CBLB: variants seen among roughly 807,000 people sequenced by gnomAD.
CBLB encodes E3 ubiquitin-protein ligase CBL-B.
Under a neutral mutation model 104.9 loss-of-function variants are expected in CBLB, and 31 were observed. That is an observed-to-expected ratio of 0.30 (90% confidence interval 0.22 to 0.40). The LOEUF (loss-of-function observed/expected upper bound fraction) is 0.40, where lower values mean the gene tolerates loss of function less well. Among genes scored for constraint, CBLB ranks in the 10% least tolerant of loss-of-function variants. The pLI is 1.00. For missense variants in CBLB, 1,062 were observed against 1,214.6 expected (o/e 0.87, Z 1.87); for synonymous variants, 440 against 422.6 (o/e 1.04, Z -0.51).
intron 17 of CBLB, chr3:105,670,953 AT>A (rs2065003425): frequency 5.9e-6 from 1 of 168,718 alleles, no homozygotes; most frequent in Non-Finnish European, 1.3e-5. Context: ...AAAATAGTAA[AT>A]TTAATTGTTA....
intron 3 of CBLB, among the ~76,000 whole-genome samples, chr3:105,837,867 T>A (rs2088810147): frequency 1.3e-5 from 2 of 152,138 alleles, no homozygotes; most frequent in Admixed American, 1.3e-4. Flanking sequence ...TTCAGACACT[T>A]CAACACTTTC....
At chr3:105,837,296 TACCAAATGAA>T (rs749345319) in intron 3 of CBLB, among the ~76,000 whole-genome samples, 1 of 152,222 alleles carries the variant, frequency 6.6e-6, no homozygotes, top group Non-Finnish European at 1.5e-5. Flanking sequence ...CAATAATACA[TACCAAATGAA>T]ACTGGACTAT....
intron 17 of CBLB, among the ~76,000 whole-genome samples, chr3:105,674,162 A>G (rs570380917): frequency 1.3e-5 from 2 of 152,208 alleles, no homozygotes; most frequent in Non-Finnish European, 2.9e-5. Flanking sequence ...TAATGCTTCA[A>G]CATCTGAACA....
In CBLB at chr3:105,656,058, A is replaced by G. The variant is rs2063320413; in HGVS notation, c.*2912T>C. ...CTGAAGGTTGTATTTGTGGAAGGAA[A>G]TTCAAGTTAAGCAAAAACTGCTTTT... On this transcript the variant is annotated 3_prime_UTR_variant, in exon 19 of 19. Transcript: ENST00000394030. 4.4e-6 allele frequency: 1 copy of G among 225,374 alleles called. No individual in the cohort carries two copies. The highest frequency in any genetic ancestry group is 2.2e-5 in the African/African-American group (1 of 44,946). The allele number at this position is 225,374 out of a possible 1,614,324, so 14.0% of individuals were successfully genotyped here. A position where few individuals can be genotyped will look rare whatever the true frequency, so the allele number is the denominator to read the frequency against.
chr3:105,804,729 A>G (rs2153025346), intron 3 of CBLB, among the ~76,000 whole-genome samples: 1 of 151,856 alleles, frequency 6.6e-6, no homozygotes, highest in East Asian at 1.9e-4. Flanking sequence ...TTGTCCTTAA[A>G]GTTCACCAGC....
At chr3:105,825,014 T>G (rs926506318) in intron 3 of CBLB, among the ~76,000 whole-genome samples, 1 of 152,202 alleles carries the variant, frequency 6.6e-6, no homozygotes, top group Non-Finnish European at 1.5e-5. Flanking sequence ...CCTAGATTAT[T>G]CCTCTTTATA....
chr3:105,701,782 A>G (rs1038002871), intron 12 of CBLB, among the ~76,000 whole-genome samples: 2 of 150,268 alleles, frequency 1.3e-5, no homozygotes, highest in Admixed American at 6.6e-5. Flanking sequence ...AAAAAAATGC[A>G]GGCTGATTAT....
chr3:105,722,779 G>A (rs188610926), intron 9 of CBLB, among the ~76,000 whole-genome samples: 1 of 152,128 alleles, frequency 6.6e-6, no homozygotes, highest in Admixed American at 6.5e-5. Flanking sequence ...ATTGAGTTTT[G>A]AAGGGGGAGG....
rs189489766 is a variant in CBLB, at chr3:105,828,649, A to G, written c.419+24765T>C. On this transcript the variant is annotated intron_variant, in intron 3 of 18. Transcript: ENST00000394030. ...ATAGAAAAGAAATAAATATGCACTA[A>G]TAAGTTTAAATAATTTCACTCTTGA... 2.9e-3 allele frequency among the ~76,000 whole-genome samples: 445 copies of G among 152,346 alleles called. 5 individuals are homozygous for G. The highest frequency in any genetic ancestry group is 0.017 in the Middle Eastern group (5 of 294).
intron 13 of CBLB, among the ~76,000 whole-genome samples, chr3:105,689,324 ATATAT>A (rs927083914): frequency 6.6e-6 from 1 of 151,408 alleles, no homozygotes; most frequent in South Asian, 2.1e-4. Flanking sequence ...TTAGAAAAAT[ATATAT>A]TATAAGAATA....
intron 13 of CBLB, among the ~76,000 whole-genome samples, chr3:105,688,724 A>T (rs2067305405): frequency 6.6e-6 from 1 of 152,066 alleles, no homozygotes; most frequent in South Asian, 2.1e-4. Context: ...CTATATTTGA[A>T]ATGATTTTTG....
At chr3:105,774,752 T>C (rs1172110415) in intron 4 of CBLB, among the ~76,000 whole-genome samples, 2 of 152,104 alleles carry the variant, frequency 1.3e-5, no homozygotes, top group Non-Finnish European at 2.9e-5. Flanking sequence ...AACTCCTCTC[T>C]TAAAAAAAAC....
chr3:105,810,542 T>G (rs1186051747), intron 3 of CBLB, among the ~76,000 whole-genome samples: 2 of 152,156 alleles, frequency 1.3e-5, no homozygotes, highest in Non-Finnish European at 2.9e-5. Flanking sequence ...CTAAACTTCA[T>G]AAGACTTTAA....
chr3:105,867,629 G>C (rs1560603250), intron 1 of CBLB, 38 bp from the exon 2 acceptor site: 1 of 1,587,816 alleles, frequency 6.3e-7, no homozygotes. Context: ...AAGTTAGTTG[G>C]TTTTGAAAAT....
At chr3:105,735,738 G>A (rs2074853895) in intron 8 of CBLB, among the ~76,000 whole-genome samples, 1 of 152,144 alleles carries the variant, frequency 6.6e-6, no homozygotes, top group Non-Finnish European at 1.5e-5. Context: ...ATCACCTGAG[G>A]TCAGGAGTTT....
chr3:105,824,929 C>T (rs1577545739), intron 3 of CBLB, among the ~76,000 whole-genome samples: 1 of 152,282 alleles, frequency 6.6e-6, no homozygotes, highest in African/African-American at 2.4e-5. Flanking sequence ...GAGCCATATA[C>T]ACAATCCTAG....
chr3:105,765,765 T>C (rs961465820), intron 4 of CBLB, among the ~76,000 whole-genome samples: 49 of 152,196 alleles, frequency 3.2e-4, no homozygotes, highest in Non-Finnish European at 2.9e-5. Context: ...GTACTGCTCA[T>C]TGGCAATGCC....
intron 6 of CBLB, among the ~76,000 whole-genome samples, chr3:105,745,652 C>T (rs903161725): frequency 6.6e-6 from 1 of 152,258 alleles, no homozygotes; most frequent in Non-Finnish European, 1.5e-5. Flanking sequence ...CAAATATATA[C>T]ATTCAATTTT....
intron 6 of CBLB, among the ~76,000 whole-genome samples, chr3:105,743,838 A>C (rs1474339293): frequency 6.6e-6 from 1 of 151,660 alleles, no homozygotes; most frequent in African/African-American, 2.4e-5. Flanking sequence ...TTTAGTACCC[A>C]TGTCATACTT....
Sources: gnomAD v4.1 joint callset for allele counts (sites outside exome capture counted in the v4.1 genomes callset) on GRCh38, gnomAD v4.1.1 for gene constraint, MANE v1.5 for transcripts, NCBI Gene and HGNC (gene_info 2026-07-23, HGNC 2026-07-21) for gene names.